Variants in PEX5L observed in about 807,000 individuals in gnomAD.
PEX5L encodes peroxisomal biogenesis factor 5 like.
In PEX5L, 30 loss-of-function variants were observed where a neutral mutation model predicts 84.0. The ratio of observed to expected loss-of-function variants is 0.36; its 90% CI spans 0.27 to 0.48. The LOEUF (loss-of-function observed/expected upper bound fraction) is 0.48. PEX5L is among the 20% of genes least tolerant of loss of function. The pLI, the probability that PEX5L is intolerant of heterozygous loss-of-function variation, is 0.99. For synonymous variants in PEX5L, 270 were observed against 283.1 expected, an observed-to-expected ratio of 0.95 and a Z score of 0.46; for missense variants, 533 against 754.6, an observed-to-expected ratio of 0.71 and a Z score of 3.44.
At position 179,906,481 on chromosome 3, in the gene PEX5L, T is replaced by A. The variant is rs77483092; in HGVS notation, c.94-8235A>T. Among the ~76,000 whole-genome samples, 917 of 152,318 alleles carry A rather than the reference T, an allele frequency of 6.0e-3. 12 individuals are homozygous for A. The highest frequency in any genetic ancestry group is 0.031 in the East Asian group (159 of 5,194). On this transcript the variant is annotated intron_variant, in intron 2 of 14. Coordinates refer to ENST00000467460, the MANE Select transcript of PEX5L (RefSeq NM_016559.3). ...CTTAAAAACATTTTTTTCTTTTGCCTTTGGCCTTACATTGAGGCTGGCATA... is the reference window on the plus strand; with the variant it reads ...CTTAAAAACATTTTTTTCTTTTGCCATTGGCCTTACATTGAGGCTGGCATA...
chr3:179,909,095 T>C (rs1041648338), intron 2 of PEX5L, among the ~76,000 whole-genome samples: 19 of 152,088 alleles, frequency 1.2e-4, no homozygotes, highest in South Asian at 6.2e-4. Context: ...AAGTATGCAA[T>C]CTTTTGCTTG....
intron 14 of PEX5L, among the ~76,000 whole-genome samples, chr3:179,802,998 A>T (rs1719685836): frequency 6.6e-6 from 1 of 152,218 alleles, no homozygotes; most frequent in African/African-American, 2.4e-5. Flanking sequence ...ATAGTCCTCA[A>T]AGTGTGGTCT....
chr3:180,006,773 G>A (rs1235518625), intron 1 of PEX5L, among the ~76,000 whole-genome samples: 2 of 152,160 alleles, frequency 1.3e-5, no homozygotes, highest in Non-Finnish European at 2.9e-5. Flanking sequence ...TTCAGATCTT[G>A]TGAGACTTAT....
chr3:180,011,050 G>T (rs940908961), intron 1 of PEX5L, among the ~76,000 whole-genome samples: 1 of 152,000 alleles, frequency 6.6e-6, no homozygotes. Flanking sequence ...CCTCACACAC[G>T]GCCCAGATAG....
intron 1 of PEX5L, among the ~76,000 whole-genome samples, chr3:179,997,812 CT>C (rs768501852): frequency 6.6e-6 from 1 of 152,204 alleles, no homozygotes; most frequent in Non-Finnish European, 1.5e-5. Context: ...TGGCAAATGC[CT>C]TTTTCTCCAT....
chr3:179,975,491 T>A (rs76760698), intron 1 of PEX5L, among the ~76,000 whole-genome samples: 4,356 of 152,308 alleles, frequency 0.029, 214 homozygotes, highest in African/African-American at 0.1. Context: ...ATTGTACAAA[T>A]TAGCCCTAAC....
chr3:179,945,152 G>A (rs761967850), intron 2 of PEX5L, among the ~76,000 whole-genome samples: 4 of 152,136 alleles, frequency 2.6e-5, no homozygotes, highest in Admixed American at 6.5e-5. Context: ...CAAGTTTACC[G>A]TGGTCTTCAT....
At chr3:180,027,966 C>T (rs1315203271) in intron 1 of PEX5L, among the ~76,000 whole-genome samples, 3 of 152,166 alleles carry the variant, frequency 2.0e-5, no homozygotes, top group Admixed American at 2.0e-4. Flanking sequence ...GTGACGCTGT[C>T]TCTTTTTCAG....
intron 2 of PEX5L, among the ~76,000 whole-genome samples, chr3:179,942,839 AT>A (rs1776524401): frequency 1.3e-5 from 2 of 151,974 alleles, no homozygotes; most frequent in African/African-American, 4.8e-5. Flanking sequence ...TCCTCTCTCC[AT>A]TTTGTCCTCT....
At chr3:179,942,075 T>C (rs564351187) in intron 2 of PEX5L, among the ~76,000 whole-genome samples, 1 of 149,276 alleles carries the variant, frequency 6.7e-6, no homozygotes, top group Non-Finnish European at 1.5e-5. Flanking sequence ...AAAGAAAAGG[T>C]TGATTGGAGG....
chr3:179,996,358 C>T (rs1787889968), intron 1 of PEX5L, among the ~76,000 whole-genome samples: 1 of 151,984 alleles, frequency 6.6e-6, no homozygotes, highest in Non-Finnish European at 1.5e-5. Flanking sequence ...TGATTTGGGC[C>T]CACTAAGTAG....
chr3:179,953,782 C>T (rs1167415892), intron 2 of PEX5L, among the ~76,000 whole-genome samples: 3 of 152,130 alleles, frequency 2.0e-5, no homozygotes, highest in African/African-American at 7.2e-5. Flanking sequence ...AAGGTGCAAA[C>T]AGCCTCGCCG....
intron 3 of PEX5L, among the ~76,000 whole-genome samples, chr3:179,896,724 C>T (rs559748380): frequency 2.0e-5 from 3 of 152,162 alleles, no homozygotes; most frequent in East Asian, 1.9e-4. Flanking sequence ...TCTTATCTAC[C>T]GTTGTATGGC....
intron 2 of PEX5L, among the ~76,000 whole-genome samples, chr3:179,933,968 T>G (rs1300891813): frequency 1.3e-5 from 2 of 152,182 alleles, no homozygotes; most frequent in Non-Finnish European, 2.9e-5. Flanking sequence ...CTTCTCTAGC[T>G]GGGAAGGTTG....
chr3:179,895,805 T>G (rs766201985), intron 3 of PEX5L: 2 of 152,134 alleles, frequency 1.3e-5, no homozygotes, highest in Admixed American at 1.3e-4. Context: ...AGTGTTTCAG[T>G]GAGTTATTTT....
At chr3:179,966,106 T>G (rs1783265715) in intron 2 of PEX5L, among the ~76,000 whole-genome samples, 1 of 152,190 alleles carries the variant, frequency 6.6e-6, no homozygotes, top group Non-Finnish European at 1.5e-5. Flanking sequence ...CAATTATTTT[T>G]CATCGATCAA....
intron 8 of PEX5L, among the ~76,000 whole-genome samples, chr3:179,835,476 C>G (rs1020815949): frequency 3.3e-5 from 5 of 152,028 alleles, no homozygotes; most frequent in Admixed American, 2.6e-4. Flanking sequence ...CAAAACAATC[C>G]TAAGTTCTGA....
chr3:179,811,465 T>A (rs1723829885), intron 11 of PEX5L, among the ~76,000 whole-genome samples: 1 of 151,934 alleles, frequency 6.6e-6, no homozygotes, highest in African/African-American at 2.4e-5. Context: ...ACTCCACTTA[T>A]TTTTTTTGAA....
intron 8 of PEX5L, among the ~76,000 whole-genome samples, chr3:179,830,031 A>G (rs2109113071): frequency 6.9e-6 from 1 of 145,214 alleles, no homozygotes; most frequent in Non-Finnish European, 1.5e-5. Flanking sequence ...TCCTGACCTC[A>G]GGTGATCCAC....
Sources: gnomAD v4.1 joint callset for allele counts (sites outside exome capture counted in the v4.1 genomes callset) on GRCh38, gnomAD v4.1.1 for gene constraint, MANE v1.5 for transcripts, NCBI Gene and HGNC (gene_info 2026-07-23, HGNC 2026-07-21) for gene names.